Variants in PTPRD observed in about 807,000 individuals in gnomAD.
The protein encoded by PTPRD is protein tyrosine phosphatase receptor type D, also known as receptor-type tyrosine-protein phosphatase delta.
PTPRD carries 34 observed loss-of-function variants against 214.5 expected under a neutral mutation model. The ratio of observed to expected loss-of-function variants is 0.16; its 90% confidence interval spans 0.12 to 0.21. The LOEUF (loss-of-function observed/expected upper bound fraction) is 0.21, where lower values mean the gene tolerates loss of function less well. Among genes scored for constraint, PTPRD ranks in the 10% least tolerant of loss-of-function variants. The pLI is 1.00. For missense variants in PTPRD, 2,545 were observed against 2,398.7 expected, an observed-to-expected ratio of 1.06 and a Z score of -1.27; for synonymous variants, 1,128 against 845.7, an observed-to-expected ratio of 1.33 and a Z score of -5.79.
At chr9:8,403,059 T>A (rs536489417) in intron 36 of PTPRD, among the ~76,000 whole-genome samples, 1 of 152,246 alleles carries the variant, frequency 6.6e-6, no homozygotes, top group East Asian at 1.9e-4. Context: ...TGAAAGATAG[T>A]TTTTCTTCCC....
intron 33 of PTPRD, among the ~76,000 whole-genome samples, chr9:8,454,073 C>A (rs10739164): frequency 0.42 from 64,305 of 152,006 alleles, 14,024 homozygotes; most frequent in East Asian, 0.59. Context: ...TATTATTGCT[C>A]TTATTATTCA....
chr9:8,531,532 G>A (rs974228597), intron 14 of PTPRD, among the ~76,000 whole-genome samples: 1 of 152,054 alleles, frequency 6.6e-6, no homozygotes, highest in African/African-American at 2.4e-5. Context: ...TCATAAAAAT[G>A]AGTTTCTGAA....
chr9:9,733,817 T>C (rs143639305), intron 7 of PTPRD, among the ~76,000 whole-genome samples: 1 of 152,284 alleles, frequency 6.6e-6, no homozygotes, highest in African/African-American at 2.4e-5. Context: ...TAATCTTGTA[T>C]ACACTCAGAA....
chr9:9,383,460 A>G (rs1291083781), intron 9 of PTPRD, among the ~76,000 whole-genome samples: 1 of 152,152 alleles, frequency 6.6e-6, no homozygotes, highest in African/African-American at 2.4e-5. Flanking sequence ...TATTAATTCT[A>G]GAATAAGGAG....
At chr9:9,244,969 G>A (rs2099972316) in intron 9 of PTPRD, among the ~76,000 whole-genome samples, 2 of 152,174 alleles carry the variant, frequency 1.3e-5, no homozygotes, top group African/African-American at 2.4e-5. Context: ...ATCAAAAAGT[G>A]AGTGAAGGAT....
intron 11 of PTPRD, among the ~76,000 whole-genome samples, chr9:8,944,502 A>T (rs182165642): frequency 1.3e-5 from 2 of 152,130 alleles, no homozygotes; most frequent in Admixed American, 6.6e-5. Flanking sequence ...GAAGCAACCT[A>T]CGTGTCCATC....
chr9:9,990,695 G>C (rs555779234), intron 4 of PTPRD, among the ~76,000 whole-genome samples: 1 of 152,186 alleles, frequency 6.6e-6, no homozygotes, highest in East Asian at 1.9e-4. Context: ...ACTCAGCCCT[G>C]TTGCATTGAT....
rs566530009 is a variant in PTPRD at position 9,355,561 on chromosome 9, G to C, written c.-203+41888C>G. 3.6e-4 allele frequency among the ~76,000 whole-genome samples: 55 copies of C among 151,632 alleles called. 1 individual carries two copies. The South Asian group carries it at 0.011, about 29-fold the overall frequency. On this transcript the variant is annotated intron_variant, in intron 9 of 45. Coordinates refer to ENST00000381196, the MANE Select transcript of PTPRD (RefSeq NM_002839.4). ...ATTTGAGATGGAGAAGATGAGAAAAGTCAGGGACTTAGTTTTTGGACAAGT... is the reference window on the plus strand; with the variant it reads ...ATTTGAGATGGAGAAGATGAGAAAACTCAGGGACTTAGTTTTTGGACAAGT...
At chr9:8,516,967 A>C (rs2097792121) in intron 21 of PTPRD, among the ~76,000 whole-genome samples, 1 of 151,784 alleles carries the variant, frequency 6.6e-6, no homozygotes, top group South Asian at 2.1e-4. Flanking sequence ...GCCTGCTACC[A>C]TGCCCAGCTA....
chr9:10,504,115 CAAAAAAA>C lies in PTPRD; in HGVS notation c.-600+108276_-600+108282del, dbSNP rs71332747. ...TGGGGCACAGAGCGAGACTCTGTCT[CAAAAAAA>C]AAAAAAAAAAAAAAAAAAAGATGTA... is the stretch of plus-strand genomic sequence containing the variant. On this transcript the variant is annotated intron_variant, in intron 2 of 45. Coordinates refer to ENST00000381196, the MANE Select transcript of PTPRD (RefSeq NM_002839.4). Among the ~76,000 whole-genome samples the C allele has an allele frequency of 2.6e-3, 69 of 26,962 alleles. 1 individual carries two copies. Among genetic ancestry groups the C allele is most frequent in the African/African-American group, 8.3e-3 (46 of 5,546 alleles). 17.7% of individuals were successfully genotyped at this position (26,962 alleles called of 152,430 possible). A position where few individuals can be genotyped will look rare whatever the true frequency, so the allele number is the denominator to read the frequency against.
At chr9:8,859,844 G>A (rs2098064925) in intron 11 of PTPRD, 1 of 151,120 alleles carries the variant, frequency 6.6e-6, no homozygotes, top group Non-Finnish European at 1.5e-5. Context: ...TTGTCTCTTG[G>A]CTTTTTGGTT....
intron 14 of PTPRD, among the ~76,000 whole-genome samples, chr9:8,531,581 A>C (rs1461749833): frequency 2.0e-5 from 3 of 152,126 alleles, no homozygotes; most frequent in Non-Finnish European, 4.4e-5. Context: ...TTCCATTTTT[A>C]AAGCAACCAA....
intron 9 of PTPRD, among the ~76,000 whole-genome samples, chr9:9,396,899 C>T (rs189883243): frequency 6.6e-6 from 1 of 152,026 alleles, no homozygotes; most frequent in African/African-American, 2.4e-5. Flanking sequence ...TTTATTCTTC[C>T]AAGAGAGACA....
chr9:10,427,171 C>A (rs1238599380), intron 2 of PTPRD, among the ~76,000 whole-genome samples: 2 of 151,990 alleles, frequency 1.3e-5, no homozygotes, highest in Non-Finnish European at 2.9e-5. Context: ...TCTACTTTAA[C>A]AGCTATGACA....
At chr9:10,357,348 G>C (rs9298656) in intron 2 of PTPRD, among the ~76,000 whole-genome samples, 4 of 152,068 alleles carry the variant, frequency 2.6e-5, no homozygotes, top group East Asian at 3.9e-4. Context: ...ACTTGGATTC[G>C]TTCCTTGATA....
intron 8 of PTPRD, among the ~76,000 whole-genome samples, chr9:9,424,572 C>T (rs532882037): frequency 1.3e-5 from 2 of 152,174 alleles, no homozygotes; most frequent in East Asian, 3.9e-4. Context: ...ATAATAGAAT[C>T]AGAAGGCTTC....
chr9:8,985,803 T>A (rs2154343513), intron 11 of PTPRD, among the ~76,000 whole-genome samples: 2 of 152,174 alleles, frequency 1.3e-5, no homozygotes, highest in South Asian at 4.2e-4. Flanking sequence ...TTAATGAAGT[T>A]ATTGAATGCC....
At chr9:10,263,479 T>C (rs572220767) in intron 3 of PTPRD, among the ~76,000 whole-genome samples, 22 of 152,118 alleles carry the variant, frequency 1.4e-4, no homozygotes, top group Non-Finnish European at 3.1e-4. Context: ...GATGAGGAAC[T>C]TGTTGGGAAC....
intron 9 of PTPRD, among the ~76,000 whole-genome samples, chr9:9,209,835 A>G (rs80254639): frequency 0.022 from 3,307 of 152,238 alleles, 51 homozygotes; most frequent in Non-Finnish European, 0.035. Context: ...CCATGGTTTC[A>G]TGGATGCTGA....
Sources: gnomAD v4.1 joint callset for allele counts (sites outside exome capture counted in the v4.1 genomes callset) on GRCh38, gnomAD v4.1.1 for gene constraint, MANE v1.5 for transcripts, NCBI Gene and HGNC (gene_info 2026-07-23, HGNC 2026-07-21) for gene names.